TMEM108: variants seen among roughly 807,000 people sequenced by gnomAD.
TMEM108 encodes cancer/testis antigen 124.
TMEM108 carries 12 observed loss-of-function variants against 35.1 expected under a neutral mutation model. That is an observed-to-expected ratio of 0.34 (90% CI 0.22 to 0.55). The LOEUF (loss-of-function observed/expected upper bound fraction) is 0.55. Ranked by LOEUF, TMEM108 falls within the 20% of genes least tolerant of loss-of-function variation. The pLI, the probability that TMEM108 is intolerant of heterozygous loss-of-function variation, is 0.89. For missense variants in TMEM108, 680 were observed against 753.3 expected, an observed-to-expected ratio of 0.90 and a Z score of 1.14; for synonymous variants, 287 against 308.6, an observed-to-expected ratio of 0.93 and a Z score of 0.73.
intron 2 of TMEM108, among the ~76,000 whole-genome samples, chr3:133,161,455 TC>T (rs1249086145): frequency 6.6e-6 from 1 of 152,168 alleles, no homozygotes; most frequent in Non-Finnish European, 1.5e-5. Context: ...TTCTGTTGTA[TC>T]TCCAATGCCT....
chr3:133,178,673 G>A (rs1328317983), intron 2 of TMEM108, among the ~76,000 whole-genome samples: 10 of 152,184 alleles, frequency 6.6e-5, no homozygotes, highest in African/African-American at 1.4e-4. Context: ...GTGGATTAAA[G>A]ACTTAAATGT....
chr3:133,068,258 G>A (rs1328635011), intron 2 of TMEM108, among the ~76,000 whole-genome samples: 1 of 152,138 alleles, frequency 6.6e-6, no homozygotes, highest in African/African-American at 2.4e-5. Context: ...TCTCAGGCAG[G>A]TGAACTTAGC....
chr3:133,167,216 A>T (rs1246423461), intron 2 of TMEM108, among the ~76,000 whole-genome samples: 1 of 152,202 alleles, frequency 6.6e-6, no homozygotes, highest in African/African-American at 2.4e-5. Flanking sequence ...TCTGTTTACA[A>T]AACTTGAGCT....
chr3:133,320,150 C>T (rs1352401165), intron 3 of TMEM108, among the ~76,000 whole-genome samples: 1 of 152,032 alleles, frequency 6.6e-6, no homozygotes, highest in South Asian at 2.1e-4. Context: ...CATACTAGCT[C>T]CCCAGCAGTG....
intron 2 of TMEM108, among the ~76,000 whole-genome samples, chr3:133,061,469 T>C (rs1943534699): frequency 6.6e-6 from 1 of 152,130 alleles, no homozygotes; most frequent in South Asian, 2.1e-4. Flanking sequence ...CGCCTCGGCC[T>C]CCCAAAGTGC....
At chr3:133,096,087 A>G (rs1487894879) in intron 2 of TMEM108, among the ~76,000 whole-genome samples, 1 of 152,168 alleles carries the variant, frequency 6.6e-6, no homozygotes, top group Admixed American at 6.6e-5. Context: ...TGTCTTAGAC[A>G]GAATATTCGT....
intron 3 of TMEM108, among the ~76,000 whole-genome samples, chr3:133,233,734 ACCT>A (rs1211542390): frequency 6.7e-6 from 1 of 150,116 alleles, no homozygotes; most frequent in Non-Finnish European, 1.5e-5. Flanking sequence ...TCGCCATTCT[ACCT>A]GGTGTGAGAT....
chr3:133,134,382 A>G (rs1474820482), intron 2 of TMEM108, among the ~76,000 whole-genome samples: 1 of 152,126 alleles, frequency 6.6e-6, no homozygotes, highest in African/African-American at 2.4e-5. Context: ...GTTATCAATT[A>G]CTAGGAGAGT....
intron 2 of TMEM108, among the ~76,000 whole-genome samples, chr3:133,200,593 A>G (rs572343079): frequency 5.4e-4 from 82 of 152,190 alleles, no homozygotes; most frequent in Non-Finnish European, 8.7e-4. Flanking sequence ...CACAACTTTT[A>G]GCGGATTTAA....
At chr3:133,327,341 C>T (rs1190544217) in intron 3 of TMEM108, among the ~76,000 whole-genome samples, 1 of 152,114 alleles carries the variant, frequency 6.6e-6, no homozygotes, top group Non-Finnish European at 1.5e-5. Context: ...CTGGCCTGGG[C>T]CTCATGGTGT....
intron 5 of TMEM108, among the ~76,000 whole-genome samples, chr3:133,390,542 A>G (rs954511653): frequency 1.8e-4 from 24 of 135,548 alleles, no homozygotes; most frequent in Admixed American, 4.9e-4. Context: ...TGCTTTCTGC[A>G]CAGTAAATTT....
chr3:133,344,261 C>G (rs888894400), intron 3 of TMEM108, among the ~76,000 whole-genome samples: 1 of 151,720 alleles, frequency 6.6e-6, no homozygotes, highest in Non-Finnish European at 1.5e-5. Context: ...GCTATTTTGG[C>G]ATTAAAGCAA....
chr3:133,152,356 GACTTC>G (rs1378799104), intron 2 of TMEM108, among the ~76,000 whole-genome samples: 4 of 152,152 alleles, frequency 2.6e-5, no homozygotes, highest in Non-Finnish European at 4.4e-5. Flanking sequence ...AACGTATGCT[GACTTC>G]ACTTCATCTA....
At chr3:133,243,581 C>A (rs144229045) in intron 3 of TMEM108, among the ~76,000 whole-genome samples, 1 of 151,808 alleles carries the variant, frequency 6.6e-6, no homozygotes, top group African/African-American at 2.4e-5. Context: ...AGTAGAGTGG[C>A]GCGATCTCGG....
intron 2 of TMEM108, among the ~76,000 whole-genome samples, chr3:133,152,085 C>A (rs1458046474): frequency 1.3e-5 from 2 of 152,142 alleles, no homozygotes; most frequent in Non-Finnish European, 2.9e-5. Flanking sequence ...CATGAATGAG[C>A]TTCATCAGTT....
intron 3 of TMEM108, among the ~76,000 whole-genome samples, chr3:133,300,975 T>TACACACAC (rs66703555): frequency 4.6e-5 from 6 of 131,362 alleles, no homozygotes; most frequent in African/African-American, 1.8e-4. Context: ...CAGACCCCAG[T>TACACACAC]ACACACACAC....
intron 2 of TMEM108, among the ~76,000 whole-genome samples, chr3:133,064,316 G>A (rs538451837): frequency 1.1e-4 from 16 of 152,026 alleles, no homozygotes; most frequent in Non-Finnish European, 1.6e-4. Context: ...ATTAATATAC[G>A]TTTAACTCTT....
chr3:133,331,374 T>C (rs1311798953), intron 3 of TMEM108, among the ~76,000 whole-genome samples: 1 of 152,202 alleles, frequency 6.6e-6, no homozygotes, highest in East Asian at 1.9e-4. Context: ...GATCTAGGGT[T>C]AACAGGTCTC....
intron 2 of TMEM108, among the ~76,000 whole-genome samples, chr3:133,146,574 G>C (rs774896640): frequency 6.6e-6 from 1 of 152,180 alleles, no homozygotes; most frequent in East Asian, 1.9e-4. Context: ...GTAGAATTCA[G>C]CTGTGAATCT....
Sources: gnomAD v4.1 joint callset for allele counts (sites outside exome capture counted in the v4.1 genomes callset) on GRCh38, gnomAD v4.1.1 for gene constraint, MANE v1.5 for transcripts, NCBI Gene and HGNC (gene_info 2026-07-23, HGNC 2026-07-21) for gene names.